PRKG1: variants seen among roughly 807,000 people sequenced by gnomAD.
PRKG1 encodes protein kinase cGMP-dependent 1.
PRKG1 carries 35 observed loss-of-function variants against 88.1 expected under a neutral mutation model. That is an observed-to-expected ratio of 0.40 (90% CI 0.30 to 0.53). The LOEUF is 0.53. Ranked by LOEUF, PRKG1 falls within the 20% of genes least tolerant of loss-of-function variation. The pLI is 0.59. For missense variants in PRKG1, 540 were observed against 839.8 expected (o/e 0.64, Z 4.41); for synonymous variants, 303 against 292.5 (o/e 1.04, Z -0.37).
intron 3 of PRKG1, among the ~76,000 whole-genome samples, chr10:51,681,162 G>C (rs1016306067): frequency 5.3e-5 from 8 of 152,114 alleles, no homozygotes; most frequent in African/African-American, 1.9e-4. Flanking sequence ...TCTGGGAGCT[G>C]TTGCAATGAA....
In PRKG1 at chr10:51,604,818, G is replaced by T. The variant is rs187793168; in HGVS notation, c.592+136982G>T. On this transcript the variant is annotated intron_variant, in intron 3 of 17. Transcript: ENST00000373980. ...GTCCAGGACTCCCAAAGCCCAAGTG[G>T]GCGTGTGTTACAGTGCGCTCTTTCA... 2.6e-4 allele frequency among the ~76,000 whole-genome samples: 39 copies of T among 152,318 alleles called. No homozygotes were observed. In the East Asian group the frequency reaches 6.9e-3, roughly 27 times the overall value.
chr10:51,317,492 A>C (rs1248454671), intron 2 of PRKG1, among the ~76,000 whole-genome samples: 3 of 152,218 alleles, frequency 2.0e-5, no homozygotes, highest in Non-Finnish European at 2.9e-5. Context: ...GGCTCTCCTT[A>C]TGTGTAAATG....
At chr10:51,523,918 A>G (rs553330727) in intron 3 of PRKG1, among the ~76,000 whole-genome samples, 1 of 152,264 alleles carries the variant, frequency 6.6e-6, no homozygotes, top group South Asian at 2.1e-4. Context: ...TTTCGTAACC[A>G]AGTATAATCC....
chr10:51,230,462 A>C (rs1052183508), intron 2 of PRKG1, among the ~76,000 whole-genome samples: 1 of 152,206 alleles, frequency 6.6e-6, no homozygotes, highest in African/African-American at 2.4e-5. Flanking sequence ...AATTTTTTAA[A>C]AACCTCATGA....
rs397846439 is a variant in PRKG1 at position 52,089,804 on chromosome 10, C to CTTTTTTTT, written c.935+27190_935+27197dup. On this transcript the variant is annotated intron_variant, in intron 7 of 17. Transcript: ENST00000373980. ...GGCTTAGATTATTGTTTCTTTCCTT[C>CTTTTTTTT]TTTTTTTTTTTTTTTTTTTTTTTTG... Among the ~76,000 whole-genome samples, 274 of 67,704 alleles carry CTTTTTTTT rather than the reference C, an allele frequency of 4.0e-3. 7 individuals carry two copies. The highest frequency in any genetic ancestry group is 5.2e-3 in the African/African-American group (78 of 14,860). 44.4% of individuals were successfully genotyped at this position (67,704 alleles called of 152,430 possible). A position where few individuals can be genotyped will look rare whatever the true frequency, so the allele number is the denominator to read the frequency against.
chr10:51,734,031 T>C (rs1837193143), intron 3 of PRKG1, among the ~76,000 whole-genome samples: 1 of 152,178 alleles, frequency 6.6e-6, no homozygotes, highest in African/African-American at 2.4e-5. Flanking sequence ...TATAACAGGT[T>C]CTTGTGATCA....
chr10:51,730,831 G>T (rs1842253468), intron 3 of PRKG1, among the ~76,000 whole-genome samples: 1 of 152,158 alleles, frequency 6.6e-6, no homozygotes, highest in South Asian at 2.1e-4. Flanking sequence ...ATATGATCAG[G>T]AGGAGGAGAC....
intron 5 of PRKG1, among the ~76,000 whole-genome samples, chr10:51,959,724 G>A (rs1843399547): frequency 6.6e-6 from 1 of 152,106 alleles, no homozygotes; most frequent in Non-Finnish European, 1.5e-5. Context: ...CTGATGAAAT[G>A]TCAGAGGTGA....
chr10:51,255,300 A>G (rs1475978384), intron 2 of PRKG1, among the ~76,000 whole-genome samples: 4 of 152,102 alleles, frequency 2.6e-5, no homozygotes, highest in Non-Finnish European at 5.9e-5. Context: ...CATGGCTCAT[A>G]TCTTTGTAGT....
At chr10:51,901,744 G>A (rs1841985332) in intron 4 of PRKG1, among the ~76,000 whole-genome samples, 1 of 152,134 alleles carries the variant, frequency 6.6e-6, no homozygotes, top group Non-Finnish European at 1.5e-5. Flanking sequence ...TAGCTGGCAT[G>A]ATAATCTTTC....
At chr10:51,044,786 T>C (rs949887145) in intron 1 of PRKG1, among the ~76,000 whole-genome samples, 7 of 152,078 alleles carry the variant, frequency 4.6e-5, no homozygotes, top group African/African-American at 1.7e-4. Context: ...ATCATCCCAC[T>C]CTCCTCCAAA....
At chr10:51,678,395 T>C (rs987765351) in intron 3 of PRKG1, among the ~76,000 whole-genome samples, 1 of 152,212 alleles carries the variant, frequency 6.6e-6, no homozygotes, top group African/African-American at 2.4e-5. Context: ...ATTGGGATTT[T>C]TTAAATAATA....
chr10:51,570,908 A>C (rs1318543820), intron 3 of PRKG1, among the ~76,000 whole-genome samples: 1 of 151,974 alleles, frequency 6.6e-6, no homozygotes, highest in Non-Finnish European at 1.5e-5. Flanking sequence ...ACCCATCAAA[A>C]TGTGTTTCCT....
At chr10:51,378,822 T>C (rs1842865356) in intron 2 of PRKG1, among the ~76,000 whole-genome samples, 1 of 152,152 alleles carries the variant, frequency 6.6e-6, no homozygotes, top group African/African-American at 2.4e-5. Context: ...TATGAAAGAA[T>C]TCATATTAGA....
chr10:52,159,274 G>A (rs1838215291), intron 8 of PRKG1, among the ~76,000 whole-genome samples: 1 of 151,148 alleles, frequency 6.6e-6, no homozygotes, highest in Non-Finnish European at 1.5e-5. Flanking sequence ...TCTCACTTTT[G>A]TCTAGTCATA....
chr10:51,773,834 A>T (rs1414976565), intron 3 of PRKG1, among the ~76,000 whole-genome samples: 1 of 152,088 alleles, frequency 6.6e-6, no homozygotes, highest in Non-Finnish European at 1.5e-5. Flanking sequence ...TAAGTATTAC[A>T]CAGCTGGTGT....
intron 5 of PRKG1, among the ~76,000 whole-genome samples, chr10:52,024,368 T>G (rs1458231950): frequency 1.3e-5 from 2 of 152,040 alleles, no homozygotes; most frequent in East Asian, 3.9e-4. Context: ...CTAGGGTACA[T>G]GTGCACAACG....
intron 2 of PRKG1, among the ~76,000 whole-genome samples, chr10:51,452,902 CT>C (rs1184083600): frequency 6.6e-5 from 10 of 152,112 alleles, no homozygotes; most frequent in Non-Finnish European, 1.3e-4. Flanking sequence ...TAGAATTCAG[CT>C]GTGAATCTAA....
chr10:51,696,186 T>C (rs1428293090), intron 3 of PRKG1: 1 of 152,230 alleles, frequency 6.6e-6, no homozygotes, highest in East Asian at 1.9e-4. Context: ...GCCTTGATTA[T>C]TCCTGGTAAG....
Sources: allele counts gnomAD v4.1 joint callset (sites outside exome capture counted in the v4.1 genomes callset), GRCh38; gene constraint gnomAD v4.1.1; transcripts MANE v1.5; gene names NCBI Gene and HGNC (gene_info 2026-07-23, HGNC 2026-07-21).